Variants in PRSS23 observed in about 807,000 individuals in gnomAD.
The protein encoded by PRSS23 is serine protease 23.
Under a neutral mutation model 34.7 loss-of-function variants are expected in PRSS23, and 25 were observed. The observed-to-expected ratio is 0.72, with a 90% confidence interval of 0.53 to 1.01. The LOEUF is 1.01. Among genes scored for constraint, PRSS23 ranks in the 50% least tolerant of loss-of-function variants. The pLI is 0.00. For missense variants in PRSS23, 445 were observed against 475.6 expected, an observed-to-expected ratio of 0.94 and a Z score of 0.60; for synonymous variants, 176 against 186.6, an observed-to-expected ratio of 0.94 and a Z score of 0.46.
At chr11:86,935,331 A>G (rs1949154103) in intron 2 of PRSS23, 1 of 152,278 alleles carries the variant, frequency 6.6e-6, no homozygotes, top group African/African-American at 2.4e-5. Context: ...GTATAGACAC[A>G]GTATCTGTTC....
intron 2 of PRSS23, among the ~76,000 whole-genome samples, chr11:86,858,153 G>A (rs529655373): frequency 5.9e-5 from 9 of 152,110 alleles, no homozygotes; most frequent in Non-Finnish European, 1.0e-4. Context: ...ATATCCAGTG[G>A]GGGAGAGAAT....
Position 86,952,125 on chromosome 11 carries a change from A to G in PRSS23, c.*840A>G, listed in dbSNP as rs1271212127. ...GTGAACTCCTTGGCTGAGCGGCTGT[A>G]TAAGCCAGCATCATAGCCACACTTG... On this transcript the variant is annotated 3_prime_UTR_variant, in exon 3 of 3. Transcript: ENST00000533902. The G allele has an allele frequency of 5.0e-6, 8 of 1,613,600 alleles. No individual in the cohort carries two copies. The East Asian group carries it at 1.3e-4, about 27-fold the overall frequency.
At chr11:86,882,976 C>T (rs899490982) in intron 2 of PRSS23, among the ~76,000 whole-genome samples, 2 of 152,120 alleles carry the variant, frequency 1.3e-5, no homozygotes, top group African/African-American at 2.4e-5. Flanking sequence ...TTTTTTCATA[C>T]ACTTTTTGGC....
intron 1 of PRSS23, among the ~76,000 whole-genome samples, chr11:86,818,862 A>G (rs1258407855): frequency 1.3e-5 from 2 of 152,236 alleles, no homozygotes; most frequent in African/African-American, 4.8e-5. Context: ...AATACATGCC[A>G]TTAATGATGG....
upstream of PRSS23, chr11:86,800,247 C>T (rs1223220339): frequency 6.1e-6 from 1 of 162,896 alleles, no homozygotes; most frequent in African/African-American, 2.4e-5. Context: ...GCGCGCGGGT[C>T]CCGGGCAGGA....
intron 2 of PRSS23, among the ~76,000 whole-genome samples, chr11:86,920,555 G>A (rs543378283): frequency 6.6e-6 from 1 of 152,264 alleles, no homozygotes; most frequent in South Asian, 2.1e-4. Context: ...GTTTGACAGA[G>A]AACAGGACAC....
At chr11:86,827,672 C>G (rs1347904208) in intron 2 of PRSS23, among the ~76,000 whole-genome samples, 1 of 151,914 alleles carries the variant, frequency 6.6e-6, no homozygotes, top group East Asian at 1.9e-4. Flanking sequence ...TGAATGTGTC[C>G]CAGAGATTCT....
rs1430410779 is a variant in PRSS23 at position 86,809,159 on chromosome 11, G to T, written c.*364G>T. Reference sequence around the variant, plus strand: ...TTTCAAAGATTTATATTAAATATTTGGCATACAAGAGATATGAATTCTTAT... The same window carrying T: ...TTTCAAAGATTTATATTAAATATTTTGCATACAAGAGATATGAATTCTTAT... On this transcript the variant is annotated 3_prime_UTR_variant, in exon 2 of 2. Transcript: ENST00000280258. 4.2e-5 allele frequency: 8 copies of T among 188,254 alleles called. No homozygotes were observed. The highest frequency in any genetic ancestry group is 8.4e-5 in the Non-Finnish European group (7 of 83,178). The allele number at this position is 188,254 out of a possible 1,614,324, so 11.7% of individuals were successfully genotyped here.
chr11:86,891,288 CAG>C (rs1948839525), intron 2 of PRSS23, among the ~76,000 whole-genome samples: 1 of 152,158 alleles, frequency 6.6e-6, no homozygotes, highest in Non-Finnish European at 1.5e-5. Flanking sequence ...GGAGAGAAGC[CAG>C]AGCCACATTC....
intron 2 of PRSS23, among the ~76,000 whole-genome samples, chr11:86,899,671 T>A (rs974471418): frequency 5.9e-5 from 9 of 152,030 alleles, no homozygotes; most frequent in South Asian, 4.1e-4. Flanking sequence ...CCCGCCACCA[T>A]GCCTGGCTAA....
intron 1 of PRSS23, 94 bp downstream of exon 1, chr11:86,800,745 G>C (rs1948026071): frequency 1.4e-6 from 1 of 722,502 alleles, no homozygotes; most frequent in Non-Finnish European, 1.7e-6. Context: ...GCGCGGGGTA[G>C]GGTAACTGCG....
Position 86,791,493 on chromosome 11 carries a change from C to T in PRSS23, c.-14+298C>T, listed in dbSNP as rs554153906. 3.3e-5 allele frequency among the ~76,000 whole-genome samples: 5 copies of T among 152,190 alleles called. No homozygotes were observed. In the South Asian group the frequency reaches 1.0e-3, roughly 31 times the overall value. ...CCTGCTGAACCCCTGGGCCAGCCAC[C>T]TCTAGCTGGCTTTCAAATGTGACAA... On this transcript the variant is annotated intron_variant, in intron 1 of 1. Coordinates refer to the PRSS23 transcript ENST00000527521.
At position 86,808,876 on chromosome 11, in the gene PRSS23, G is replaced by C. The variant is rs111506955; in HGVS notation, c.*81G>C. On this transcript the variant is annotated 3_prime_UTR_variant, in exon 2 of 2. Coordinates refer to ENST00000280258, the MANE Select transcript of PRSS23 (RefSeq NM_007173.6). Reference sequence around the variant, plus strand: ...GGCCAAATTGTTTTTTGTCATTGGCGTGCACACGTGTGTGTGTGTGTGTGT... The same window carrying C: ...GGCCAAATTGTTTTTTGTCATTGGCCTGCACACGTGTGTGTGTGTGTGTGT... The C allele has an allele frequency of 7.9e-6, 9 of 1,146,320 alleles. No homozygotes were observed. The highest frequency in any genetic ancestry group is 2.0e-4 in the Middle Eastern group (1 of 4,942). The allele number at this position is 1,146,320 out of a possible 1,614,324, so 71.0% of individuals were successfully genotyped here. A position where few individuals can be genotyped will look rare whatever the true frequency, so the allele number is the denominator to read the frequency against.
At chr11:86,869,819 C>T (rs1323170112) in intron 2 of PRSS23, among the ~76,000 whole-genome samples, 3 of 152,162 alleles carry the variant, frequency 2.0e-5, no homozygotes. Flanking sequence ...CACCGTGTCT[C>T]CTAGATTATG....
At position 86,807,844 on chromosome 11, in the gene PRSS23, C is replaced by A; in HGVS notation, c.201C>A (p.Pro67=). 6.2e-7 allele frequency: 1 copy of A among 1,614,044 alleles called. No individual in the cohort carries two copies. The highest frequency in any genetic ancestry group is 8.5e-7 in the Non-Finnish European group (1 of 1,180,018). ...AKLEVSSSCG[P]QCHKGTPLPT... is the part of the protein sequence containing the mutation. ...TAGAAGTATCTTCTTCATGTGGACC[C>A]CAGTGTCATAAGGGAACTCCACTGC... Residue 67 remains proline, a synonymous_variant, in exon 2 of 2, where the codon CCC becomes CCA. Transcript: ENST00000280258.
At chr11:86,849,387 T>C (rs1948512780) in intron 2 of PRSS23, among the ~76,000 whole-genome samples, 2 of 152,146 alleles carry the variant, frequency 1.3e-5, no homozygotes, top group East Asian at 3.8e-4. Context: ...ATTATCTACA[T>C]AAATATAGGG....
chr11:86,829,176 G>A (rs889855540), intron 2 of PRSS23, among the ~76,000 whole-genome samples: 3 of 152,128 alleles, frequency 2.0e-5, no homozygotes, highest in Admixed American at 6.5e-5. Context: ...CATATTTCTT[G>A]GAGGCTTTGT....
At chr11:86,863,038 G>C (rs1011684442) in intron 2 of PRSS23, among the ~76,000 whole-genome samples, 2 of 151,938 alleles carry the variant, frequency 1.3e-5, no homozygotes, top group Non-Finnish European at 2.9e-5. Flanking sequence ...ATCACTGTGG[G>C]AGCACATCCT....
intron 2 of PRSS23, among the ~76,000 whole-genome samples, chr11:86,931,937 AATAAC>A (rs1179484211): frequency 1.3e-5 from 2 of 152,190 alleles, no homozygotes; most frequent in Non-Finnish European, 2.9e-5. Flanking sequence ...GACCAAATAA[AATAAC>A]ATGTATAAGA....
Sources: allele counts gnomAD v4.1 joint callset (sites outside exome capture counted in the v4.1 genomes callset), GRCh38; gene constraint gnomAD v4.1.1; transcripts MANE v1.5; gene names NCBI Gene and HGNC (gene_info 2026-07-23, HGNC 2026-07-21).